NPR3: variants seen among roughly 807,000 people sequenced by gnomAD.
NPR3 encodes the protein natriuretic peptide receptor 3.
Under a neutral mutation model 54.5 loss-of-function variants are expected in NPR3, and 34 were observed. That is an observed-to-expected ratio of 0.62 (90% CI 0.47 to 0.83). NPR3 has a LOEUF of 0.83. Among genes scored for constraint, NPR3 ranks in the 40% least tolerant of loss-of-function variants. NPR3 has a pLI of 0.00. For missense variants in NPR3, 674 were observed against 720.8 expected (o/e 0.94, Z 0.74); for synonymous variants, 289 against 297.1 (o/e 0.97, Z 0.28).
chr5:32,696,108 C>G (rs971835068), intron 1 of NPR3, among the ~76,000 whole-genome samples: 1 of 152,130 alleles, frequency 6.6e-6, no homozygotes, highest in African/African-American at 2.4e-5. Flanking sequence ...ATACCAATGT[C>G]CTGGATAGTT....
At chr5:32,776,269 ATTT>A (rs1030157777) in intron 4 of NPR3, among the ~76,000 whole-genome samples, 1 of 152,136 alleles carries the variant, frequency 6.6e-6, no homozygotes, top group African/African-American at 2.4e-5. Flanking sequence ...ACAGTTACAT[ATTT>A]TTCTACTGTA....
At chr5:32,729,942 T>C (rs1311395507) in intron 2 of NPR3, among the ~76,000 whole-genome samples, 6 of 152,172 alleles carry the variant, frequency 3.9e-5, no homozygotes, top group Admixed American at 3.9e-4. Context: ...ACAGGCCTAT[T>C]TGAAATTTAC....
At chr5:32,743,987 A>ATCTTTTTTTTTTT (rs1425701544) in intron 3 of NPR3, among the ~76,000 whole-genome samples, 5 of 113,834 alleles carry the variant, frequency 4.4e-5, no homozygotes, top group Admixed American at 1.9e-4. Flanking sequence ...ATTCTGATGC[A>ATCTTTTTTTTTTT]TTTTTTTTTT....
intron 3 of NPR3, among the ~76,000 whole-genome samples, chr5:32,747,350 T>A (rs1740352620): frequency 6.6e-6 from 1 of 152,176 alleles, no homozygotes; most frequent in Non-Finnish European, 1.5e-5. Flanking sequence ...AGTTTCTGGT[T>A]AAAAATACAT....
chr5:32,712,310 G>C lies in NPR3; in HGVS notation c.534G>C (p.Ala178=), dbSNP rs762293165. 17 of 1,613,092 alleles carry C rather than the reference G, an allele frequency of 1.1e-5. No homozygotes were observed. The African/African-American group carries it at 1.9e-4, about 18-fold the overall frequency. ...AGTACTCGCACCTCACGCGCGTGGC[G>C]CCCGCCTACGCCAAGATGGGCGAGA... is the stretch of plus-strand genomic sequence containing the variant. The part of the protein sequence containing the change: ...DSEYSHLTRV[A]PAYAKMGEMM... The change falls in exon 1 of 8, where the codon GCG becomes GCC. Residue 178 remains alanine (A), a synonymous_variant. Transcript: ENST00000265074.
rs1455437731 is a variant in NPR3, at chr5:32,767,674, C to G, written c.1060-7034C>G. Among the ~76,000 whole-genome samples the G allele has an allele frequency of 2.6e-5, 4 of 152,000 alleles. 1 individual carries two copies. The highest frequency in any genetic ancestry group is 1.3e-4 in the Admixed American group (2 of 15,270). On this transcript the variant is annotated intron_variant, in intron 3 of 7. Coordinates refer to ENST00000265074, the MANE Select transcript of NPR3 (RefSeq NM_001204375.2). ...TTGGAGTTGGGGTTCTGGATCTTAGCTTAGTCCTCACCACACCTTGAAATT... is the reference window on the plus strand; with the variant it reads ...TTGGAGTTGGGGTTCTGGATCTTAGGTTAGTCCTCACCACACCTTGAAATT...
intron 1 of NPR3, among the ~76,000 whole-genome samples, chr5:32,722,583 A>T (rs946045022): frequency 6.6e-6 from 1 of 152,178 alleles, no homozygotes; most frequent in Non-Finnish European, 1.5e-5. Flanking sequence ...ACCCTGGACT[A>T]TGATCACTTG....
At position 32,762,651 on chromosome 5, in the gene NPR3, A is replaced by T. The variant is rs546224264; in HGVS notation, c.1060-12057A>T. ...CTTCTGTTTTTAAGTGTCTGTTCAT[A>T]TCCTTCACCTACTTTTTCATGGGGT... On this transcript the variant is annotated intron_variant, in intron 3 of 7. Transcript: ENST00000265074. Among the ~76,000 whole-genome samples, 41 of 152,038 alleles carry T rather than the reference A, an allele frequency of 2.7e-4. No homozygotes were observed. The South Asian group carries it at 8.5e-3, about 32-fold the overall frequency.
chr5:32,747,704 A>G (rs1156504779), intron 3 of NPR3, among the ~76,000 whole-genome samples: 4 of 151,112 alleles, frequency 2.6e-5, no homozygotes, highest in Non-Finnish European at 5.9e-5. Flanking sequence ...CAGGTATCAG[A>G]TCTCCTTTTT....
chr5:32,745,847 A>C (rs1016430614), intron 3 of NPR3, among the ~76,000 whole-genome samples: 1 of 152,146 alleles, frequency 6.6e-6, no homozygotes, highest in African/African-American at 2.4e-5. Context: ...CATTCCTTTG[A>C]TAATCAGATG....
At chr5:32,703,750 C>T (rs968047515) in intron 1 of NPR3, among the ~76,000 whole-genome samples, 2 of 152,220 alleles carry the variant, frequency 1.3e-5, no homozygotes, top group African/African-American at 4.8e-5. Flanking sequence ...CCTCTTTTCT[C>T]TTCCATTTCT....
intron 2 of NPR3, among the ~76,000 whole-genome samples, chr5:32,729,868 A>G (rs1739367580): frequency 6.6e-6 from 1 of 152,196 alleles, no homozygotes; most frequent in African/African-American, 2.4e-5. Flanking sequence ...AATGTTACCA[A>G]ATAACCATAG....
At chr5:32,708,800 T>C (rs1370918952), upstream of NPR3, among the ~76,000 whole-genome samples, 1 of 152,210 alleles carries the variant, frequency 6.6e-6, no homozygotes, top group Non-Finnish European at 1.5e-5. Context: ...TGGTGGGTCT[T>C]CCCATAATCT....
intron 2 of NPR3, among the ~76,000 whole-genome samples, chr5:32,727,174 T>C (rs1427836827): frequency 1.3e-5 from 2 of 152,238 alleles, no homozygotes; most frequent in African/African-American, 4.8e-5. Flanking sequence ...TTGCCCAGGC[T>C]GGAGTACAGA....
At chr5:32,716,321 A>T (rs561017820) in intron 1 of NPR3, 3 of 425,734 alleles carry the variant, frequency 7.0e-6, no homozygotes, top group Admixed American at 2.7e-5. Context: ...AATTCTTGTT[A>T]GCTCTTCCTG....
At chr5:32,705,026 A>G (rs1229915389), upstream of NPR3, among the ~76,000 whole-genome samples, 2 of 152,210 alleles carry the variant, frequency 1.3e-5, no homozygotes, top group East Asian at 3.8e-4. Flanking sequence ...TTTTTAACAA[A>G]CTTATACTAA....
At chr5:32,764,291 C>CT (rs907729733) in intron 3 of NPR3, among the ~76,000 whole-genome samples, 1 of 152,100 alleles carries the variant, frequency 6.6e-6, no homozygotes, top group African/African-American at 2.4e-5. Flanking sequence ...TCACCTATCT[C>CT]TTCTGATCTT....
At chr5:32,696,020 A>G (rs1740523857) in intron 1 of NPR3, among the ~76,000 whole-genome samples, 1 of 152,082 alleles carries the variant, frequency 6.6e-6, no homozygotes, top group Non-Finnish European at 1.5e-5. Flanking sequence ...AAGCTTTTCA[A>G]TTTGATGTGA....
At chr5:32,716,374 T>TA in intron 1 of NPR3, 1 of 452,794 alleles carries the variant, frequency 2.2e-6, no homozygotes, top group Non-Finnish European at 4.4e-6. Context: ...GCTACTTTTT[T>TA]TTTTTTCAGT....
Sources: allele counts gnomAD v4.1 joint callset (sites outside exome capture counted in the v4.1 genomes callset), GRCh38; gene constraint gnomAD v4.1.1; transcripts MANE v1.5; gene names NCBI Gene and HGNC (gene_info 2026-07-23, HGNC 2026-07-21).